PDZD2: variants seen among roughly 807,000 people sequenced by gnomAD.
The protein encoded by PDZD2 is PDZ domain-containing protein 2.
A neutral mutation model predicts 220.7 loss-of-function variants in PDZD2; 90 were observed. The ratio of observed to expected loss-of-function variants is 0.41; its 90% CI spans 0.34 to 0.49. The LOEUF (loss-of-function observed/expected upper bound fraction) is 0.49, where lower values mean the gene tolerates loss of function less well. Among genes scored for constraint, PDZD2 ranks in the 20% least tolerant of loss-of-function variants. The pLI, the probability that PDZD2 is intolerant of heterozygous loss-of-function variation, is 0.28. For synonymous variants in PDZD2, 1,375 were observed against 1,450.5 expected, an observed-to-expected ratio of 0.95 and a Z score of 1.18; for missense variants, 3,174 against 3,608.5, an observed-to-expected ratio of 0.88 and a Z score of 3.08.
At chr5:31,886,823 G>T (rs1000718029) in intron 2 of PDZD2, among the ~76,000 whole-genome samples, 1 of 151,854 alleles carries the variant, frequency 6.6e-6, no homozygotes, top group African/African-American at 2.4e-5. Context: ...TCAGCCTCCC[G>T]AGTAGCTGGC....
At chr5:32,072,380 C>T (rs1740840077) in intron 17 of PDZD2, 63 bp downstream of exon 17, 6 of 1,303,902 alleles carry the variant, frequency 4.6e-6, no homozygotes, top group East Asian at 2.3e-5. Flanking sequence ...CTGGTTTCCA[C>T]CTCTGTGCTG....
chr5:31,764,288 G>C (rs768100), intron 1 of PDZD2, among the ~76,000 whole-genome samples: 209 of 152,272 alleles, frequency 1.4e-3, no homozygotes, highest in African/African-American at 4.8e-3. Context: ...TCTTTCTAGA[G>C]GGATTCAGAG....
intron 2 of PDZD2, among the ~76,000 whole-genome samples, chr5:31,931,892 C>T (rs1407437573): frequency 6.6e-6 from 1 of 152,092 alleles, no homozygotes; most frequent in Non-Finnish European, 1.5e-5. Flanking sequence ...AGGGGTGGGC[C>T]ACAGCCGCAC....
chr5:31,878,057 T>A (rs1739470846), intron 2 of PDZD2, among the ~76,000 whole-genome samples: 1 of 152,110 alleles, frequency 6.6e-6, no homozygotes, highest in Non-Finnish European at 1.5e-5. Context: ...TTTCATAGAG[T>A]GATAAATCAG....
intron 1 of PDZD2, among the ~76,000 whole-genome samples, chr5:31,674,320 T>C (rs1240189912): frequency 1.3e-5 from 2 of 152,202 alleles, no homozygotes; most frequent in African/African-American, 4.8e-5. Flanking sequence ...GTAAGCTAAT[T>C]ACTCACTTTA....
At position 32,110,498 on chromosome 5, in the gene PDZD2, TAATA is replaced by T. The variant is rs1436142525; in HGVS notation, c.*2367_*2370del. 13 of 152,784 alleles carry T rather than the reference TAATA, an allele frequency of 8.5e-5. No individual in the cohort carries two copies. The South Asian group carries it at 1.0e-3, about 12-fold the overall frequency. 9.5% of individuals were successfully genotyped at this position (152,784 alleles called of 1,614,324 possible). ...GCATGACTAGTATTTCTAATTAGCC[TAATA>T]AATTCCCACACTTTCTGAAGTGAAC... On this transcript the variant is annotated 3_prime_UTR_variant, in exon 25 of 25. Coordinates refer to ENST00000438447, the MANE Select transcript of PDZD2 (RefSeq NM_178140.4).
At chr5:31,838,510 G>A (rs928513771) in intron 2 of PDZD2, among the ~76,000 whole-genome samples, 4 of 152,336 alleles carry the variant, frequency 2.6e-5, no homozygotes, top group African/African-American at 9.6e-5. Flanking sequence ...TCTACTTTGA[G>A]AAAGAAACTC....
At chr5:31,960,155 A>ATGCT (rs1158433674) in intron 2 of PDZD2, among the ~76,000 whole-genome samples, 3 of 151,884 alleles carry the variant, frequency 2.0e-5, no homozygotes, top group Admixed American at 1.3e-4. Flanking sequence ...TTCAACCTAG[A>ATGCT]TGCTTGCTTG....
chr5:31,868,566 G>A (rs1580942122), intron 2 of PDZD2, among the ~76,000 whole-genome samples: 1 of 152,234 alleles, frequency 6.6e-6, no homozygotes, highest in East Asian at 1.9e-4. Flanking sequence ...ATAGGTTCAT[G>A]GTGAGGATGG....
At chr5:32,076,497 A>G (rs1485553014) in intron 18 of PDZD2, among the ~76,000 whole-genome samples, 1 of 152,170 alleles carries the variant, frequency 6.6e-6, no homozygotes, top group Non-Finnish European at 1.5e-5. Context: ...ATTTGATTTT[A>G]TTTATATCTG....
intron 2 of PDZD2, among the ~76,000 whole-genome samples, chr5:31,915,481 A>G (rs976931009): frequency 1.3e-5 from 2 of 152,108 alleles, no homozygotes; most frequent in Non-Finnish European, 2.9e-5. Flanking sequence ...GCGTCCAGAC[A>G]TTTCAGCCTA....
At chr5:31,990,755 A>G (rs1439911035) in intron 3 of PDZD2, among the ~76,000 whole-genome samples, 2 of 152,264 alleles carry the variant, frequency 1.3e-5, no homozygotes, top group Non-Finnish European at 2.9e-5. Context: ...CTTATCTCAC[A>G]GCATTTATAG....
At position 32,037,261 on chromosome 5, in the gene PDZD2, T is replaced by C. The variant is rs201232351; in HGVS notation, c.1438T>C (p.Cys480Arg). The change falls in exon 7 of 25, where the codon TGC becomes CGC. Residue 480 changes from cysteine (C) to arginine (R), a missense_variant. Cys to Arg is a radical substitution (Grantham distance 180). Transcript: ENST00000438447. ...TGGGACAGATGAACCCCAAGATGTG[T>C]GCGGTGCTGAGGAATCCAAGGGGAA... ...MPGTDEPQDVCGAEESKGNLE... is the reference protein window; with the variant it reads ...MPGTDEPQDVRGAEESKGNLE... 2.0e-4 allele frequency: 328 copies of C among 1,613,598 alleles called. 2 individuals are homozygous for C. In the East Asian group the frequency reaches 4.7e-3, roughly 23 times the overall value.
intron 2 of PDZD2, among the ~76,000 whole-genome samples, chr5:31,907,108 C>T (rs551350324): frequency 6.6e-6 from 1 of 152,314 alleles, no homozygotes; most frequent in East Asian, 1.9e-4. Flanking sequence ...GTTATGATGA[C>T]TTCTTAATGT....
At chr5:32,033,427 T>G (rs1180202295) in intron 6 of PDZD2, among the ~76,000 whole-genome samples, 1 of 152,148 alleles carries the variant, frequency 6.6e-6, no homozygotes, top group African/African-American at 2.4e-5. Context: ...GAAAAAACAG[T>G]TTTTTGTTAT....
chr5:31,908,083 A>C (rs1334680389), intron 2 of PDZD2, among the ~76,000 whole-genome samples: 1 of 10,906 alleles, frequency 9.2e-5, no homozygotes, highest in African/African-American at 2.8e-4. Flanking sequence ...GCTCCGTCTC[A>C]AAAAAAAAAA....
chr5:31,717,760 AC>A (rs754802543), intron 1 of PDZD2, among the ~76,000 whole-genome samples: 6 of 152,102 alleles, frequency 3.9e-5, no homozygotes, highest in Non-Finnish European at 7.4e-5. Context: ...AGCAGCTGTC[AC>A]CAGCTGCTGG....
intron 1 of PDZD2, among the ~76,000 whole-genome samples, chr5:31,650,157 C>T (rs1261814440): frequency 2.0e-5 from 3 of 151,892 alleles, no homozygotes; most frequent in Admixed American, 2.0e-4. Flanking sequence ...CAATCTGTGT[C>T]CTGGGTTTAT....
At position 31,750,304 on chromosome 5, in the gene PDZD2, T is replaced by C. The variant is rs576796080; in HGVS notation, c.-360-48585T>C. Among the ~76,000 whole-genome samples the C allele has an allele frequency of 2.0e-5, 3 of 152,330 alleles. No homozygotes were observed. In the South Asian group the frequency reaches 6.2e-4, roughly 32 times the overall value. ...TGTCCCCCAGCTCCCTCTTGCCTGC[T>C]TCAGCTCCCCTGTACATCCTCCTTT... On this transcript the variant is annotated intron_variant, in intron 1 of 24. Coordinates refer to ENST00000438447, the MANE Select transcript of PDZD2 (RefSeq NM_178140.4).
Sources: gnomAD v4.1 joint callset for allele counts (sites outside exome capture counted in the v4.1 genomes callset) on GRCh38, gnomAD v4.1.1 for gene constraint, MANE v1.5 for transcripts, NCBI Gene and HGNC (gene_info 2026-07-23, HGNC 2026-07-21) for gene names.